FMR1: variants seen among roughly 807,000 people sequenced by gnomAD.
FMR1 encodes the protein fragile X messenger ribonucleoprotein 1, also known as FMRP translational regulator 1.
Under a neutral mutation model 50.6 loss-of-function variants are expected in FMR1, and 13 were observed. That is an observed-to-expected ratio of 0.26 (90% confidence interval 0.17 to 0.41). FMR1 has a LOEUF of 0.41. Ranked by LOEUF, FMR1 falls within the 10% of genes least tolerant of loss-of-function variation. The pLI is 1.00. For synonymous variants in FMR1, 138 were observed against 164.1 expected (o/e 0.84, Z 1.22); for missense variants, 316 against 491.3 (o/e 0.64, Z 3.37).
chrX:147,933,982 G>A (rs2043697156), intron 9 of FMR1, among the ~76,000 whole-genome samples: 2 of 107,452 alleles, frequency 1.9e-5, no homozygotes, highest in Middle Eastern at 5.0e-3. Flanking sequence ...ACAGACAACT[G>A]GAGAAATGTG....
chrX:147,948,776 C>A lies in FMR1; in HGVS notation c.1831C>A (p.Arg611Ser), dbSNP rs961588789. 8.3e-7 allele frequency: 1 copy of A among 1,211,278 alleles called. No homozygotes were observed. The highest frequency in any genetic ancestry group is 1.8e-5 in the South Asian group (1 of 56,977). ...EGSRLRTGKD[R>S]NQKKEKPDSV... The stretch of plus-strand genomic sequence containing the variant: ...TAGTCGGCTGCGCACGGGTAAAGAT[C>A]GTAACCAGAAGAAAGAGAAGCCAGA... The change falls in exon 17 of 17, where the codon CGT becomes AGT. Residue 611 changes from arginine (R) to serine (S), a missense_variant. Physicochemically the swap from Arg to Ser is moderately radical, Grantham distance 110 (BLOSUM62 -1). Around this residue, in one of 4 missense-constraint regions of FMR1, gnomAD observed 124 missense variants for 160.8 expected, o/e 0.77. Transcript: ENST00000370475.
chrX:147,918,555 C>CTTTTT (rs368581020), intron 1 of FMR1, among the ~76,000 whole-genome samples: 3,378 of 47,179 alleles, frequency 0.072, 586 homozygotes, highest in Middle Eastern at 0.14. Context: ...CCTGCAAAAG[C>CTTTTT]TTTTTTTTTT....
chrX:147,913,723 C>G (rs1458351665), intron 1 of FMR1: 1 of 112,008 alleles, frequency 8.9e-6, no homozygotes, highest in Non-Finnish European at 1.9e-5. Context: ...TTAACAGTCT[C>G]ATGAATATGA....
At chrX:147,925,240 G>A (rs781905703) in intron 2 of FMR1, among the ~76,000 whole-genome samples, 8 of 111,992 alleles carry the variant, frequency 7.1e-5, no homozygotes. Context: ...TATGTTTAAA[G>A]CTCTTAGAAG....
At chrX:147,936,064 A>C (rs1380508249) in intron 9 of FMR1, among the ~76,000 whole-genome samples, 1 of 112,533 alleles carries the variant, frequency 8.9e-6, no homozygotes, top group African/African-American at 3.2e-5. Context: ...AATCAGGTAC[A>C]GACAAGAATT....
intron 16 of FMR1, chrX:147,947,469 G>C (rs1170993377): frequency 9.3e-6 from 1 of 107,129 alleles, no homozygotes; most frequent in African/African-American, 3.4e-5. Context: ...CCAGCACTTT[G>C]GGAGGCCAAG....
chrX:147,921,146 G>A (rs2043143518), intron 1 of FMR1, among the ~76,000 whole-genome samples: 1 of 111,757 alleles, frequency 8.9e-6, no homozygotes, highest in Admixed American at 9.5e-5. Context: ...GTTTCTTTAT[G>A]CTTTGTCCTA....
intron 7 of FMR1, among the ~76,000 whole-genome samples, chrX:147,931,518 C>T (rs1269967452): frequency 8.9e-6 from 1 of 111,956 alleles, no homozygotes; most frequent in Non-Finnish European, 1.9e-5. Context: ...GCATGCCTAT[C>T]TTTCTTCACT....
At chrX:147,930,082 T>C (rs782529607) in intron 6 of FMR1, 41 bp downstream of exon 6, 1 of 1,135,758 alleles carries the variant, frequency 8.8e-7, no homozygotes, top group South Asian at 1.8e-5. Flanking sequence ...TTAATTCATC[T>C]GGGGCAATTG....
Position 147,945,014 on chromosome X carries a change from A to G in FMR1, c.1617A>G (p.Arg539=). The change falls in exon 15 of 17, where the codon AGA becomes AGG. Residue 539 remains arginine, a synonymous_variant. Coordinates refer to ENST00000370475, the MANE Select transcript of FMR1 (RefSeq NM_002024.6). The part of the protein sequence containing the change: ...GDGRRRGGGG[R]GQGGRGRGGG... ...GACGGCGGCGTGGAGGGGGAGGAAG[A>G]GGACAAGGAGGAAGAGGACGTGGAG... 1.7e-6 allele frequency: 2 copies of G among 1,192,056 alleles called. No individual in the cohort carries two copies. The highest frequency in any genetic ancestry group is 1.7e-5 in the African/African-American group (1 of 57,187).
intron 14 of FMR1, 193 bp downstream of exon 14, chrX:147,943,519 G>A (rs2044075681): frequency 2.3e-6 from 1 of 442,148 alleles, no homozygotes; most frequent in Non-Finnish European, 4.0e-6. Flanking sequence ...CAGGGCCGGT[G>A]CAAGTTCTGT....
intron 10 of FMR1, among the ~76,000 whole-genome samples, chrX:147,936,822 C>T (rs2043804746): frequency 9.0e-6 from 1 of 111,214 alleles, no homozygotes; most frequent in Non-Finnish European, 1.9e-5. Context: ...TTATTGAATT[C>T]TTTTTTCCTG....
intron 3 of FMR1, among the ~76,000 whole-genome samples, chrX:147,926,648 C>A: frequency 9.1e-6 from 1 of 110,347 alleles, no homozygotes; most frequent in Non-Finnish European, 1.9e-5. Context: ...CCACCACGCC[C>A]AGATAATTTT....
intron 5 of FMR1, 68 bp downstream of exon 5, chrX:147,928,875 G>A (rs2043483681): frequency 7.3e-6 from 8 of 1,101,399 alleles, no homozygotes; most frequent in African/African-American, 1.8e-5. Flanking sequence ...AGAATTTCTA[G>A]TAGTTTAAAA....
chrX:147,923,554 C>CT (rs1441814796), intron 2 of FMR1, among the ~76,000 whole-genome samples: 1 of 112,003 alleles, frequency 8.9e-6, no homozygotes, highest in Non-Finnish European at 1.9e-5. Context: ...CTCATTTCCT[C>CT]TATGCATTTA....
At chrX:147,939,593 T>C (rs1557180287) in intron 12 of FMR1, among the ~76,000 whole-genome samples, 3 of 108,638 alleles carry the variant, frequency 2.8e-5, no homozygotes, top group Non-Finnish European at 5.8e-5. Flanking sequence ...TTCATTTTGA[T>C]TTTTTTTTTA....
At chrX:147,913,416 A>G (rs782770806) in intron 1 of FMR1, 1 of 112,029 alleles carries the variant, frequency 8.9e-6, no homozygotes, top group Non-Finnish European at 1.9e-5. Context: ...CCACCTTACT[A>G]CAGTATTTTG....
chrX:147,915,194 ATGGCAGC>A (rs2042793089), intron 1 of FMR1, among the ~76,000 whole-genome samples: 1 of 112,068 alleles, frequency 8.9e-6, no homozygotes, highest in African/African-American at 3.2e-5. Context: ...TAGTAGTATT[ATGGCAGC>A]TAGCAGCTAA....
Position 147,933,667 on chromosome X carries a change from A to G in FMR1, c.880+904A>G. Reference sequence around the variant, plus strand: ...AGCTACATATGTTTTTAATTTGTAAATAAAATTGGGACATACTGCCTATAT... The same window carrying G: ...AGCTACATATGTTTTTAATTTGTAAGTAAAATTGGGACATACTGCCTATAT... On this transcript the variant is annotated intron_variant, in intron 9 of 16. Coordinates refer to ENST00000370475, the MANE Select transcript of FMR1 (RefSeq NM_002024.6). The G allele has an allele frequency of 4.9e-6, 4 of 809,297 alleles. No homozygotes were observed. The South Asian group carries it at 2.6e-4, about 53-fold the overall frequency. The allele number at this position is 809,297 out of a possible 1,213,427, so 66.7% of individuals were successfully genotyped here.
Sources: allele counts gnomAD v4.1 joint callset (sites outside exome capture counted in the v4.1 genomes callset), GRCh38; gene constraint gnomAD v4.1.1; regional missense constraint gnomAD v4.1.1; transcripts MANE v1.5; gene names NCBI Gene and HGNC (gene_info 2026-07-23, HGNC 2026-07-21).